ADAMTS17: variants seen among roughly 807,000 people sequenced by gnomAD.
ADAMTS17 encodes the protein ADAM metallopeptidase with thrombospondin type 1 motif 17, also known as A disintegrin and metalloproteinase with thrombospondin motifs 17.
A neutral mutation model predicts 141.5 loss-of-function variants in ADAMTS17; 113 were observed. The ratio of observed to expected loss-of-function variants is 0.80; its 90% CI spans 0.69 to 0.93. The LOEUF (loss-of-function observed/expected upper bound fraction) is 0.93, where lower values mean the gene tolerates loss of function less well. Ranked by LOEUF, ADAMTS17 falls within the 40% of genes least tolerant of loss-of-function variation. ADAMTS17 has a pLI of 0.00. For missense variants in ADAMTS17, 1,659 were observed against 1,517.9 expected (o/e 1.09, Z -1.54); for synonymous variants, 768 against 630.6 (o/e 1.22, Z -3.27).
chr15:100,229,315 C>A (rs1458089867), intron 7 of ADAMTS17, among the ~76,000 whole-genome samples: 3 of 149,520 alleles, frequency 2.0e-5, no homozygotes, highest in Non-Finnish European at 4.4e-5. Flanking sequence ...TGACCATTGA[C>A]TGGACTCCCA....
chr15:100,053,865 C>A lies in ADAMTS17; in HGVS notation c.2295+32G>T, dbSNP rs772463746. 3.3e-5 allele frequency: 54 copies of A among 1,614,004 alleles called. 1 individual carries two copies. In the South Asian group the frequency reaches 5.8e-4, roughly 17 times the overall value. ...TAGTAGACCTCTCGGAGCCACACCC[C>A]CTAAGACAAGTGTGGAAGCCCAGCA... On this transcript the variant is annotated intron_variant, in intron 16 of 21. Coordinates refer to ENST00000268070, the MANE Select transcript of ADAMTS17 (RefSeq NM_139057.4).
At chr15:100,057,063 G>A (rs935642156) in intron 15 of ADAMTS17, among the ~76,000 whole-genome samples, 8 of 152,094 alleles carry the variant, frequency 5.3e-5, no homozygotes, top group Admixed American at 4.6e-4. Context: ...TGCCTGCAGT[G>A]TGTGAGGCAG....
intron 18 of ADAMTS17, among the ~76,000 whole-genome samples, chr15:100,039,611 A>C (rs1600680): frequency 0.13 from 20,374 of 152,116 alleles, 3,736 homozygotes; most frequent in African/African-American, 0.42. Flanking sequence ...AAACATACCT[A>C]GTATTATTTC....
intron 12 of ADAMTS17, chr15:100,129,179 C>T (rs900909229): frequency 2.9e-4 from 44 of 152,300 alleles, no homozygotes; most frequent in African/African-American, 9.6e-4. Flanking sequence ...AGACACGTAA[C>T]GTGCCAAGAA....
intron 14 of ADAMTS17, among the ~76,000 whole-genome samples, chr15:100,108,241 A>G (rs940357500): frequency 1.3e-5 from 2 of 150,524 alleles, no homozygotes; most frequent in Admixed American, 1.3e-4. Flanking sequence ...GCGTGATCTC[A>G]GCTCACCGCA....
chr15:100,069,705 T>C (rs998546303), intron 15 of ADAMTS17, among the ~76,000 whole-genome samples: 4 of 151,698 alleles, frequency 2.6e-5, no homozygotes, highest in Admixed American at 1.3e-4. Flanking sequence ...AGAGATTTTG[T>C]CACCACCAGG....
intron 18 of ADAMTS17, among the ~76,000 whole-genome samples, chr15:100,046,948 C>G (rs934614625): frequency 2.0e-5 from 3 of 152,152 alleles, no homozygotes; most frequent in African/African-American, 7.2e-5. Context: ...TGCCGGTGAG[C>G]CAGGCAGAAC....
rs943796773 is a variant in ADAMTS17 at position 100,152,720 on chromosome 15, G to C, written c.1365C>G (p.Ser455Arg). ...STCLLVTDPR[S>R]QHTVRLPHKL... ...TGTGCGGGAGGCGTACTGTGTGCTGGCTTCTGGGGTCCGTGACTAGCAAGC... is the reference window on the plus strand; with the variant it reads ...TGTGCGGGAGGCGTACTGTGTGCTGCCTTCTGGGGTCCGTGACTAGCAAGC... The change falls in exon 10 of 22, where the codon AGC becomes AGG. Residue 455 changes from serine to arginine, a missense_variant. Transcript: ENST00000268070. 6 of 1,614,120 alleles carry C rather than the reference G, an allele frequency of 3.7e-6. No homozygotes were observed. The highest frequency in any genetic ancestry group is 5.1e-6 in the Non-Finnish European group (6 of 1,180,060).
chr15:100,256,588 G>C (rs1452133939), intron 6 of ADAMTS17: 1 of 152,228 alleles, frequency 6.6e-6, no homozygotes, highest in East Asian at 1.9e-4. Flanking sequence ...AGCCTGGCAA[G>C]AGGGTCCCCT....
chr15:100,272,586 C>G (rs72633233), intron 4 of ADAMTS17, among the ~76,000 whole-genome samples: 13,408 of 56,926 alleles, frequency 0.24, 3,018 homozygotes, highest in East Asian at 0.67. Flanking sequence ...GTCTCTCTCT[C>G]TGTGTGTGTA....
chr15:100,157,852 G>T (rs7170610), intron 8 of ADAMTS17, among the ~76,000 whole-genome samples: 25,980 of 151,260 alleles, frequency 0.17, 2,279 homozygotes, highest in Middle Eastern at 0.2. Flanking sequence ...GAAATTATCA[G>T]ACAAATATGG....
intron 2 of ADAMTS17, 107 bp downstream of exon 2, chr15:100,340,932 C>T (rs893626096): frequency 2.7e-6 from 4 of 1,479,376 alleles, no homozygotes; most frequent in Non-Finnish European, 2.7e-6. Context: ...TCCGGTTCCC[C>T]TGGAGGCTGG....
rs1363663501 is a variant in ADAMTS17 at position 100,162,919 on chromosome 15, T to C, written c.1182-7599A>G. On this transcript the variant is annotated intron_variant, in intron 8 of 21. Transcript: ENST00000268070. ...ATAGAACTATATATGTATATGTGTA[T>C]ATATATAACTATATATGTATATATT... 3.4e-5 allele frequency among the ~76,000 whole-genome samples: 5 copies of C among 146,480 alleles called. No homozygotes were observed. The Admixed American group carries it at 3.4e-4, about 10-fold the overall frequency.
intron 10 of ADAMTS17, 135 bp from the exon 11 acceptor site, chr15:100,133,450 G>A: frequency 2.6e-6 from 2 of 781,268 alleles, no homozygotes; most frequent in Non-Finnish European, 4.3e-6. Context: ...AGGGTCATAA[G>A]TCTGTATGTC....
chr15:100,268,567 T>C (rs2043799549), intron 4 of ADAMTS17, among the ~76,000 whole-genome samples: 1 of 152,228 alleles, frequency 6.6e-6, no homozygotes, highest in Non-Finnish European at 1.5e-5. Context: ...TCTTTTCACA[T>C]GTTTGTTGGC....
chr15:100,135,246 G>A (rs560863220), intron 10 of ADAMTS17, among the ~76,000 whole-genome samples: 1 of 151,778 alleles, frequency 6.6e-6, no homozygotes, highest in East Asian at 1.9e-4. Flanking sequence ...TAATGATAAA[G>A]TAAGAAAACT....
rs555935422 is a variant in ADAMTS17, at chr15:100,036,572, C to T, written c.2591+12285G>A. Among the ~76,000 whole-genome samples the T allele has an allele frequency of 4.6e-5, 7 of 152,348 alleles. No homozygotes were observed. The East Asian group carries it at 1.2e-3, about 25-fold the overall frequency. ...GCTCGAGAGCCTGCAACCGTAAGTG[C>T]GCACTTTTTTGTGAGTTCATTTTTT... On this transcript the variant is annotated intron_variant, in intron 18 of 21. Transcript: ENST00000268070.
At chr15:100,051,295 A>T (rs995074913) in intron 17 of ADAMTS17, among the ~76,000 whole-genome samples, 6 of 152,180 alleles carry the variant, frequency 3.9e-5, no homozygotes, top group African/African-American at 1.4e-4. Context: ...CACACCCGAG[A>T]TGTAATCATA....
rs889994371 is a variant in ADAMTS17, at chr15:100,093,677, T to G, written c.2137+2679A>C. Among the ~76,000 whole-genome samples, 42 of 152,138 alleles carry G rather than the reference T, an allele frequency of 2.8e-4. 1 individual carries two copies. The highest frequency in any genetic ancestry group is 1.0e-3 in the African/African-American group (42 of 41,442). On this transcript the variant is annotated intron_variant, in intron 15 of 21. Transcript: ENST00000268070. Reference sequence around the variant, plus strand: ...AGTGCTGGGGGCCACCCTCAGCTTTTGGAGGCCTAGGTCTGGTGCCCCACC... The same window carrying G: ...AGTGCTGGGGGCCACCCTCAGCTTTGGGAGGCCTAGGTCTGGTGCCCCACC...
Sources: gnomAD v4.1 joint callset for allele counts (sites outside exome capture counted in the v4.1 genomes callset) on GRCh38, gnomAD v4.1.1 for gene constraint, MANE v1.5 for transcripts, NCBI Gene and HGNC (gene_info 2026-07-23, HGNC 2026-07-21) for gene names.